WDR20: variants seen among roughly 807,000 people sequenced by gnomAD.
WDR20 encodes WD repeat-containing protein 20.
WDR20 carries 3 observed loss-of-function variants against 38.7 expected under a neutral mutation model. The ratio of observed to expected loss-of-function variants is 0.08; its 90% confidence interval spans 0.04 to 0.20. WDR20 has a LOEUF of 0.20. WDR20 is among the 10% of genes least tolerant of loss of function. The pLI is 1.00. For synonymous variants in WDR20, 298 were observed against 285.6 expected (o/e 1.04, Z -0.44); for missense variants, 559 against 727.7 (o/e 0.77, Z 2.67).
intron 1 of WDR20, among the ~76,000 whole-genome samples, chr14:102,165,570 TGTG>T (rs1306974803): frequency 6.6e-6 from 1 of 152,068 alleles, no homozygotes; most frequent in Non-Finnish European, 1.5e-5. Context: ...GTATAATCAT[TGTG>T]GTATTAAATA....
At position 102,156,035 on chromosome 14, in the gene WDR20, C is replaced by T. The variant is rs1595952516; in HGVS notation, c.249+15863C>T. On this transcript the variant is annotated intron_variant, in intron 1 of 2. Transcript: ENST00000342702. ...TCATGCGAACCTCCCACCTCGGCCTCCCAAAGCATTGGGATTAGAGGCATG... is the reference window on the plus strand; with the variant it reads ...TCATGCGAACCTCCCACCTCGGCCTTCCAAAGCATTGGGATTAGAGGCATG... Among the ~76,000 whole-genome samples the T allele has an allele frequency of 2.6e-5, 4 of 151,734 alleles. No individual in the cohort carries two copies. In the South Asian group the frequency reaches 6.2e-4, roughly 24 times the overall value.
chr14:102,172,270 A>G (rs1334581191), intron 1 of WDR20, among the ~76,000 whole-genome samples: 2 of 150,744 alleles, frequency 1.3e-5, no homozygotes, highest in African/African-American at 4.8e-5. Context: ...AATTTTTCTT[A>G]GTACAGAACA....
At chr14:102,205,079 C>T (rs2152995567) in intron 2 of WDR20, among the ~76,000 whole-genome samples, 1 of 152,222 alleles carries the variant, frequency 6.6e-6, no homozygotes, top group Admixed American at 6.5e-5. Context: ...CATAGCGACA[C>T]CCTGTATTTA....
chr14:102,187,887 T>C (rs138851087), intron 1 of WDR20, among the ~76,000 whole-genome samples: 1 of 152,118 alleles, frequency 6.6e-6, no homozygotes, highest in East Asian at 1.9e-4. Context: ...ACTTAGGAGG[T>C]AGAGAGTGCT....
chr14:102,217,624 C>T (rs560256055), downstream of WDR20, among the ~76,000 whole-genome samples: 15 of 149,226 alleles, frequency 1.0e-4, no homozygotes, highest in African/African-American at 2.4e-4. Flanking sequence ...CCAGGGTTCC[C>T]GGCTCTGTGG....
chr14:102,195,247 A>C (rs1262369988), intron 2 of WDR20, 127 bp downstream of exon 2: 1 of 951,570 alleles, frequency 1.1e-6, no homozygotes, highest in Admixed American at 2.7e-5. Context: ...CCTCCTACCT[A>C]GTATGCCCAA....
intron 1 of WDR20, among the ~76,000 whole-genome samples, chr14:102,176,774 C>G (rs999875559): frequency 6.6e-6 from 1 of 151,784 alleles, no homozygotes; most frequent in Non-Finnish European, 1.5e-5. Context: ...TGCTCTGTCT[C>G]CCAGGCTGGA....
intron 1 of WDR20, among the ~76,000 whole-genome samples, chr14:102,157,749 T>A (rs2057750282): frequency 6.6e-6 from 1 of 152,152 alleles, no homozygotes; most frequent in Admixed American, 6.5e-5. Context: ...TGGCAGCTGC[T>A]GGCTCCTTCT....
chr14:102,212,291 G>A (rs575068319), downstream of WDR20, among the ~76,000 whole-genome samples: 2 of 152,278 alleles, frequency 1.3e-5, no homozygotes, highest in African/African-American at 2.4e-5. Context: ...TGTCCTTAAT[G>A]TCTGTCTGGT....
At chr14:102,140,501 G>A (rs1045445490) in intron 1 of WDR20, among the ~76,000 whole-genome samples, 3 of 152,098 alleles carry the variant, frequency 2.0e-5, no homozygotes, top group East Asian at 1.9e-4. Flanking sequence ...GCGAGTCCCC[G>A]GAAGAGGTGA....
intron 1 of WDR20, among the ~76,000 whole-genome samples, chr14:102,185,964 G>C (rs1366797452): frequency 2.0e-5 from 3 of 152,148 alleles, no homozygotes; most frequent in Admixed American, 2.0e-4. Flanking sequence ...CTGTGTGCCA[G>C]GCCCTCTATT....
chr14:102,188,813 T>C (rs1231771609), intron 1 of WDR20, among the ~76,000 whole-genome samples: 1 of 145,168 alleles, frequency 6.9e-6, no homozygotes, highest in Non-Finnish European at 1.5e-5. Context: ...GTTGAGGCTG[T>C]AGTGAGCTGT....
intron 1 of WDR20, among the ~76,000 whole-genome samples, chr14:102,157,868 T>C (rs952447981): frequency 2.0e-5 from 3 of 152,120 alleles, no homozygotes; most frequent in African/African-American, 4.8e-5. Flanking sequence ...TTAGAATTCT[T>C]AGTATGATTT....
chr14:102,176,928 G>C (rs2062254372), intron 1 of WDR20, among the ~76,000 whole-genome samples: 1 of 152,014 alleles, frequency 6.6e-6, no homozygotes, highest in African/African-American at 2.4e-5. Context: ...TTTTAGTAGA[G>C]ATTGGGTCAG....
At chr14:102,193,056 A>G (rs1373550806) in intron 1 of WDR20, among the ~76,000 whole-genome samples, 1 of 150,728 alleles carries the variant, frequency 6.6e-6, no homozygotes, top group African/African-American at 2.4e-5. Context: ...TGTATAACTT[A>G]ATTGTTCGTA....
downstream of WDR20, among the ~76,000 whole-genome samples, chr14:102,219,533 G>C (rs2153061588): frequency 1.3e-5 from 2 of 152,376 alleles, no homozygotes; most frequent in Middle Eastern, 6.8e-3. Context: ...CTGGAGAACT[G>C]GAGGCCGGGC....
downstream of WDR20, chr14:102,214,926 A>G (rs1313991424): frequency 1.0e-6 from 1 of 984,874 alleles, no homozygotes; most frequent in African/African-American, 1.8e-5. Flanking sequence ...AAGACTTACT[A>G]CATACTTGAT....
chr14:102,217,764 C>T (rs750616473), downstream of WDR20, among the ~76,000 whole-genome samples: 13 of 152,218 alleles, frequency 8.5e-5, no homozygotes, highest in African/African-American at 2.4e-4. Context: ...GAGTCTTGCA[C>T]GTGAGCAGTT....
At chr14:102,184,651 T>C (rs1190465030) in intron 1 of WDR20, among the ~76,000 whole-genome samples, 1 of 151,898 alleles carries the variant, frequency 6.6e-6, no homozygotes, top group African/African-American at 2.4e-5. Flanking sequence ...ATTCCAGAGA[T>C]TGTCACTGTG....
Sources: gnomAD v4.1 joint callset for allele counts (sites outside exome capture counted in the v4.1 genomes callset) on GRCh38, gnomAD v4.1.1 for gene constraint, MANE v1.5 for transcripts, NCBI Gene and HGNC (gene_info 2026-07-23, HGNC 2026-07-21) for gene names.